LDLRAD3: variants seen among roughly 807,000 people sequenced by gnomAD.
LDLRAD3 encodes low-density lipoprotein receptor class A domain-containing protein 3.
LDLRAD3 carries 20 observed loss-of-function variants against 29.4 expected under a neutral mutation model. The observed-to-expected ratio is 0.68, with a 90% CI of 0.48 to 0.99. The LOEUF (loss-of-function observed/expected upper bound fraction) is 0.99, where lower values mean the gene tolerates loss of function less well. Ranked by LOEUF, LDLRAD3 falls within the 50% of genes least tolerant of loss-of-function variation. The pLI, the probability that LDLRAD3 is intolerant of heterozygous loss-of-function variation, is 0.00. For synonymous variants in LDLRAD3, 157 were observed against 192.7 expected, an observed-to-expected ratio of 0.81 and a Z score of 1.53; for missense variants, 420 against 454.3, an observed-to-expected ratio of 0.92 and a Z score of 0.69.
chr11:36,130,773 T>C (rs1179946198), intron 4 of LDLRAD3, among the ~76,000 whole-genome samples: 3 of 152,126 alleles, frequency 2.0e-5, no homozygotes, highest in Non-Finnish European at 4.4e-5. Flanking sequence ...CATCCCCACT[T>C]GGCAGTGGTA....
chr11:36,143,040 G>T lies in LDLRAD3; in HGVS notation c.454+44579G>T, dbSNP rs148974358. On this transcript the variant is annotated intron_variant, in intron 4 of 5. Coordinates refer to ENST00000315571, the MANE Select transcript of LDLRAD3 (RefSeq NM_174902.4). ...ACATTGATTAAACACGTACTATGTG[G>T]TAGGCACTATGCTAAGTGCTTAACA... is the stretch of plus-strand genomic sequence containing the variant. 4.7e-4 allele frequency among the ~76,000 whole-genome samples: 72 copies of T among 152,304 alleles called. 1 individual carries two copies. The highest frequency in any genetic ancestry group is 2.4e-3 in the Admixed American group (37 of 15,306).
intron 4 of LDLRAD3, among the ~76,000 whole-genome samples, chr11:36,123,237 T>G (rs777161640): frequency 3.7e-4 from 57 of 152,348 alleles, no homozygotes; most frequent in Non-Finnish European, 5.0e-4. Flanking sequence ...TAATAAGTAT[T>G]CAGCAGATAC....
intron 4 of LDLRAD3, among the ~76,000 whole-genome samples, chr11:36,182,419 G>T (rs187591686): frequency 6.6e-6 from 1 of 152,324 alleles, no homozygotes; most frequent in South Asian, 2.1e-4. Flanking sequence ...GACTTAGAAA[G>T]TAGAGAAATA....
At chr11:36,175,067 C>A (rs919166511) in intron 4 of LDLRAD3, among the ~76,000 whole-genome samples, 3 of 152,114 alleles carry the variant, frequency 2.0e-5, no homozygotes, top group Non-Finnish European at 4.4e-5. Flanking sequence ...TGGAGAAATA[C>A]GAACATTTTT....
chr11:36,037,909 A>T (rs1043597663), intron 2 of LDLRAD3, among the ~76,000 whole-genome samples: 2 of 151,884 alleles, frequency 1.3e-5, no homozygotes, highest in Non-Finnish European at 2.9e-5. Context: ...ATTTTTGCAG[A>T]ATTGTTTGTT....
chr11:35,985,142 G>C (rs1444149971), intron 1 of LDLRAD3, among the ~76,000 whole-genome samples: 1 of 152,014 alleles, frequency 6.6e-6, no homozygotes, highest in African/African-American at 2.4e-5. Flanking sequence ...TGTTGCCCAG[G>C]CTGATCTCGA....
Position 35,970,892 on chromosome 11 carries a change from T to G in LDLRAD3, c.46+26748T>G, listed in dbSNP as rs190455735. On this transcript the variant is annotated intron_variant, in intron 1 of 5. Coordinates refer to ENST00000315571, the MANE Select transcript of LDLRAD3 (RefSeq NM_174902.4). ...ATCCTGGATTTGGCCAGAAGATTCC[T>G]TGATTGACTCTGGGGGAACCTTTAC... Among the ~76,000 whole-genome samples, 267 of 152,318 alleles carry G rather than the reference T, an allele frequency of 1.8e-3. 1 individual carries two copies. The highest frequency in any genetic ancestry group is 6.3e-3 in the African/African-American group (260 of 41,576).
chr11:36,200,262 G>A (rs932625815), intron 4 of LDLRAD3, among the ~76,000 whole-genome samples: 5 of 152,204 alleles, frequency 3.3e-5, no homozygotes, highest in South Asian at 2.1e-4. Flanking sequence ...ATCAAGGCCC[G>A]CCAATTCAGT....
At chr11:36,016,030 T>C (rs1852018319) in intron 1 of LDLRAD3, among the ~76,000 whole-genome samples, 1 of 152,100 alleles carries the variant, frequency 6.6e-6, no homozygotes, top group African/African-American at 2.4e-5. Flanking sequence ...GCAAGTGAGA[T>C]TTGGAGAGAC....
chr11:36,064,851 T>G (rs1852765756), intron 2 of LDLRAD3, among the ~76,000 whole-genome samples: 1 of 152,242 alleles, frequency 6.6e-6, no homozygotes, highest in Admixed American at 6.5e-5. Context: ...TGTTGTTGAT[T>G]TCTAATTTCA....
At chr11:36,131,829 A>C (rs1202634600) in intron 4 of LDLRAD3, among the ~76,000 whole-genome samples, 1 of 152,174 alleles carries the variant, frequency 6.6e-6, no homozygotes, top group Non-Finnish European at 1.5e-5. Flanking sequence ...ATCTTGCCTC[A>C]TTGAACCCAC....
chr11:35,945,331 C>G (rs1222842084), intron 1 of LDLRAD3, among the ~76,000 whole-genome samples: 1 of 152,162 alleles, frequency 6.6e-6, no homozygotes, highest in Non-Finnish European at 1.5e-5. Context: ...CCTTGATGTC[C>G]CTGGTCCTGG....
intron 4 of LDLRAD3, among the ~76,000 whole-genome samples, chr11:36,145,349 T>A (rs1229715039): frequency 2.3e-5 from 2 of 85,922 alleles, no homozygotes; most frequent in South Asian, 4.7e-4. Context: ...GGAGCCCCTC[T>A]GCCCGGCCAG....
intron 4 of LDLRAD3, among the ~76,000 whole-genome samples, chr11:36,193,593 C>G (rs563729563): frequency 6.6e-6 from 1 of 152,318 alleles, no homozygotes; most frequent in South Asian, 2.1e-4. Flanking sequence ...CCTACTGCCT[C>G]TGTGTGCTAG....
intron 1 of LDLRAD3, among the ~76,000 whole-genome samples, chr11:35,984,936 T>C (rs1431390584): frequency 9.6e-6 from 1 of 104,490 alleles, no homozygotes; most frequent in African/African-American, 1.2e-4. Flanking sequence ...TGCCTGTTCT[T>C]TTTTTTTTTT....
chr11:36,159,136 A>C (rs1269130215), intron 4 of LDLRAD3, among the ~76,000 whole-genome samples: 1 of 152,200 alleles, frequency 6.6e-6, no homozygotes, highest in African/African-American at 2.4e-5. Flanking sequence ...CAGTGAGATA[A>C]GGAGATAGTG....
intron 4 of LDLRAD3, among the ~76,000 whole-genome samples, chr11:36,156,506 TC>T (rs1854353521): frequency 6.6e-6 from 1 of 152,200 alleles, no homozygotes; most frequent in Admixed American, 6.5e-5. Context: ...CAGTGCTGTC[TC>T]ACTGCAGTAA....
At chr11:36,125,522 A>G (rs1049063167) in intron 4 of LDLRAD3, among the ~76,000 whole-genome samples, 3 of 152,296 alleles carry the variant, frequency 2.0e-5, no homozygotes, top group African/African-American at 7.2e-5. Context: ...TAGATAGTCA[A>G]TGTTTGTTGA....
chr11:36,154,934 C>G (rs1228520199), intron 4 of LDLRAD3, among the ~76,000 whole-genome samples: 1 of 152,198 alleles, frequency 6.6e-6, no homozygotes, highest in African/African-American at 2.4e-5. Flanking sequence ...CTGTCTGCTT[C>G]TCTCTCTCCC....
Sources: gnomAD v4.1 joint callset for allele counts (sites outside exome capture counted in the v4.1 genomes callset) on GRCh38, gnomAD v4.1.1 for gene constraint, MANE v1.5 for transcripts, NCBI Gene and HGNC (gene_info 2026-07-23, HGNC 2026-07-21) for gene names.